Variants in PRR16 observed in about 807,000 individuals in gnomAD.
PRR16 encodes protein Largen.
Under a neutral mutation model 18.2 loss-of-function variants are expected in PRR16, and 6 were observed. The ratio of observed to expected loss-of-function variants is 0.33; its 90% CI spans 0.18 to 0.65. PRR16 has a LOEUF of 0.65. PRR16 is among the 30% of genes least tolerant of loss of function. The probability of loss-of-function intolerance (pLI) is 0.74; values close to 1 mark genes in which losing one functional copy is unlikely to be tolerated. For synonymous variants in PRR16, 151 were observed against 147.8 expected (o/e 1.02, Z -0.16); for missense variants, 412 against 376.6 (o/e 1.09, Z -0.78).
At chr5:120,595,488 A>G (rs570207546) in intron 1 of PRR16, among the ~76,000 whole-genome samples, 1 of 152,078 alleles carries the variant, frequency 6.6e-6, no homozygotes, top group East Asian at 1.9e-4. Context: ...AAATGCTTGT[A>G]CACTGCTAGT....
intron 1 of PRR16, among the ~76,000 whole-genome samples, chr5:120,676,420 C>A (rs540047632): frequency 6.6e-6 from 1 of 152,076 alleles, no homozygotes; most frequent in African/African-American, 2.4e-5. Flanking sequence ...ATGGAGCACA[C>A]CCCCTTGGTA....
chr5:120,599,758 A>G (rs1753923108), intron 1 of PRR16, among the ~76,000 whole-genome samples: 1 of 151,754 alleles, frequency 6.6e-6, no homozygotes, highest in African/African-American at 2.4e-5. Flanking sequence ...CCTGGCCTCT[A>G]GCCCAGCGTC....
At chr5:120,644,759 T>C (rs1755535677) in intron 1 of PRR16, among the ~76,000 whole-genome samples, 1 of 152,148 alleles carries the variant, frequency 6.6e-6, no homozygotes. Context: ...GATGCCTGTA[T>C]TTCTCAGATA....
Position 120,538,452 on chromosome 5 carries a change from GTGT to G in PRR16, c.159+73812_159+73814del, listed in dbSNP as rs914616731. 1.4e-3 allele frequency among the ~76,000 whole-genome samples: 211 copies of G among 152,256 alleles called. 5 individuals are homozygous for G. Among genetic ancestry groups the G allele is most frequent in the Non-Finnish European group, 8.8e-5 (6 of 68,018 alleles). On this transcript the variant is annotated intron_variant, in intron 1 of 1. Coordinates refer to ENST00000407149, the MANE Select transcript of PRR16 (RefSeq NM_001300783.2). ...CTATAAACCTCAACTGCAAAATTTT[GTGT>G]TGTTAAAATACATGTAATTCAATTT...
intron 1 of PRR16, among the ~76,000 whole-genome samples, chr5:120,539,954 G>A (rs975192712): frequency 2.0e-5 from 3 of 151,538 alleles, no homozygotes; most frequent in Non-Finnish European, 4.4e-5. Flanking sequence ...ATCCCTTTTT[G>A]GTTGAAATTC....
intron 1 of PRR16, among the ~76,000 whole-genome samples, chr5:120,674,342 C>G (rs1316481626): frequency 2.0e-5 from 3 of 151,978 alleles, no homozygotes; most frequent in Non-Finnish European, 4.4e-5. Context: ...TTTTATTGTG[C>G]CAGAATATCT....
intron 1 of PRR16, among the ~76,000 whole-genome samples, chr5:120,602,767 A>C (rs770244047): frequency 1.2e-4 from 18 of 152,088 alleles, no homozygotes; most frequent in Non-Finnish European, 2.2e-4. Flanking sequence ...GAGGGTTTTA[A>C]ACATGCATGG....
chr5:120,622,720 AC>A, intron 1 of PRR16, among the ~76,000 whole-genome samples: 1 of 151,096 alleles, frequency 6.6e-6, no homozygotes, highest in East Asian at 2.0e-4. Context: ...CTTATGATCC[AC>A]CCGCCTCAGC....
the PRR16 span, among the ~76,000 whole-genome samples, chr5:120,709,622 C>G: frequency 1.3e-5 from 2 of 152,080 alleles, no homozygotes; most frequent in African/African-American, 4.8e-5. Flanking sequence ...TTAACCAAAC[C>G]CTCTTCCTCC....
At chr5:120,713,640 C>T in the PRR16 span, among the ~76,000 whole-genome samples, 16 of 152,178 alleles carry the variant, frequency 1.1e-4, no homozygotes, top group East Asian at 2.9e-3. Flanking sequence ...GTAGCTTGCC[C>T]AAGTTTCCAT....
intron 1 of PRR16, among the ~76,000 whole-genome samples, chr5:120,499,116 T>C (rs1308196151): frequency 2.6e-5 from 4 of 151,412 alleles, no homozygotes; most frequent in Non-Finnish European, 5.9e-5. Context: ...TAATCACTTT[T>C]TTTTTTTTTA....
the PRR16 span, among the ~76,000 whole-genome samples, chr5:120,762,179 G>A: frequency 6.6e-6 from 1 of 152,248 alleles, no homozygotes; most frequent in Admixed American, 6.5e-5. Context: ...TAAGCATGGT[G>A]GAGGGCAAGT....
At chr5:120,784,310 A>G in the PRR16 span, among the ~76,000 whole-genome samples, 1 of 152,152 alleles carries the variant, frequency 6.6e-6, no homozygotes, top group African/African-American at 2.4e-5. Flanking sequence ...GGCTATACCA[A>G]TTTACATTCC....
chr5:120,562,820 T>A (rs1336810336), intron 1 of PRR16, among the ~76,000 whole-genome samples: 1 of 152,214 alleles, frequency 6.6e-6, no homozygotes, highest in Non-Finnish European at 1.5e-5. Flanking sequence ...TTTGTTTTTT[T>A]ATGTCTTATT....
chr5:120,676,053 T>A (rs991363896), intron 1 of PRR16, among the ~76,000 whole-genome samples: 1 of 152,218 alleles, frequency 6.6e-6, no homozygotes, highest in Non-Finnish European at 1.5e-5. Flanking sequence ...TTTTTAAGTA[T>A]ATATCCTCCA....
chr5:120,583,354 T>C (rs1753338303), intron 1 of PRR16, among the ~76,000 whole-genome samples: 1 of 147,386 alleles, frequency 6.8e-6, no homozygotes, highest in South Asian at 2.2e-4. Context: ...TGTGTGCAAG[T>C]AATCCATGTC....
At chr5:120,746,746 T>G in the PRR16 span, among the ~76,000 whole-genome samples, 1 of 151,960 alleles carries the variant, frequency 6.6e-6, no homozygotes, top group South Asian at 2.1e-4. Flanking sequence ...AGAGCCAGAG[T>G]TGAGAAACAT....
the PRR16 span, among the ~76,000 whole-genome samples, chr5:120,713,306 G>T: frequency 6.6e-6 from 1 of 152,050 alleles, no homozygotes; most frequent in African/African-American, 2.4e-5. Context: ...ATACATAAAT[G>T]TAGCATAGTA....
chr5:120,643,610 AT>A (rs981736536), intron 1 of PRR16, among the ~76,000 whole-genome samples: 4 of 152,134 alleles, frequency 2.6e-5, no homozygotes, highest in Admixed American at 2.6e-4. Flanking sequence ...AAAGTATAAC[AT>A]TGATTAATTA....
Sources: gnomAD v4.1 joint callset for allele counts (sites outside exome capture counted in the v4.1 genomes callset) on GRCh38, gnomAD v4.1.1 for gene constraint, MANE v1.5 for transcripts, NCBI Gene and HGNC (gene_info 2026-07-23, HGNC 2026-07-21) for gene names.